RHBDD1: variants seen among roughly 807,000 people sequenced by gnomAD.
The protein encoded by RHBDD1 is rhomboid-related protein 4.
Under a neutral mutation model 36.3 loss-of-function variants are expected in RHBDD1, and 38 were observed. The observed-to-expected ratio is 1.05, with a 90% CI of 0.81 to 1.37. RHBDD1 has a LOEUF of 1.37. Among genes scored for constraint, RHBDD1 ranks in the 40% most tolerant of loss-of-function variants. The pLI is 0.00. For synonymous variants in RHBDD1, 151 were observed against 136.5 expected (o/e 1.11, Z -0.74); for missense variants, 393 against 377.6 (o/e 1.04, Z -0.34).
intron 8 of RHBDD1, among the ~76,000 whole-genome samples, chr2:226,959,853 C>A (rs1034405727): frequency 1.3e-5 from 2 of 151,956 alleles, no homozygotes; most frequent in Admixed American, 6.6e-5. Context: ...TATGGAGTCT[C>A]GCTGTGTTGC....
intron 8 of RHBDD1, among the ~76,000 whole-genome samples, chr2:226,961,986 G>A (rs1346810538): frequency 6.6e-6 from 1 of 152,038 alleles, no homozygotes; most frequent in Non-Finnish European, 1.5e-5. Context: ...TAATGCCTCC[G>A]GTGTCTTTCC....
the RHBDD1 span, among the ~76,000 whole-genome samples, chr2:226,828,671 G>A: frequency 6.6e-6 from 1 of 152,026 alleles, no homozygotes; most frequent in African/African-American, 2.4e-5. Context: ...ATGATGCTGA[G>A]AATATTTTCA....
intron 6 of RHBDD1, 149 bp downstream of exon 6, chr2:226,907,030 A>G (rs752931342): frequency 1.0e-5 from 8 of 794,952 alleles, no homozygotes; most frequent in African/African-American, 8.5e-5. Context: ...AGGTAAAACA[A>G]CCAGTGCAGT....
intron 5 of RHBDD1, among the ~76,000 whole-genome samples, chr2:226,895,362 C>T (rs900355305): frequency 6.6e-6 from 1 of 152,080 alleles, no homozygotes; most frequent in Non-Finnish European, 1.5e-5. Flanking sequence ...AGCTGTGCTC[C>T]TGACCACTTT....
chr2:226,861,222 G>A (rs1251367409), intron 3 of RHBDD1, among the ~76,000 whole-genome samples: 1 of 152,188 alleles, frequency 6.6e-6, no homozygotes, highest in Non-Finnish European at 1.5e-5. Context: ...CATTAAAGTG[G>A]AAGCCCTTGA....
Position 226,950,792 on chromosome 2 carries a change from TGTTCAGG to T in RHBDD1, c.856+36442_856+36448del, listed in dbSNP as rs537260377. Reference sequence around the variant, plus strand: ...CATATGTCATCCTTTGAGAGATGTCTGTTCAGGTCCTTTGTCCATTTTAAAAATTGGG... The same window carrying T: ...CATATGTCATCCTTTGAGAGATGTCTTCCTTTGTCCATTTTAAAAATTGGG... On this transcript the variant is annotated intron_variant, in intron 8 of 8. Transcript: ENST00000392062. Among the ~76,000 whole-genome samples, 96 of 152,352 alleles carry T rather than the reference TGTTCAGG, an allele frequency of 6.3e-4. 3 individuals are homozygous for T. The Middle Eastern group carries it at 0.024, about 38-fold the overall frequency.
At chr2:226,911,994 A>G (rs1358229322) in intron 7 of RHBDD1, among the ~76,000 whole-genome samples, 3 of 152,102 alleles carry the variant, frequency 2.0e-5, no homozygotes, top group Non-Finnish European at 2.9e-5. Flanking sequence ...TTTTACTTTC[A>G]AGGACGTTCA....
chr2:226,875,023 G>A (rs992410574), intron 5 of RHBDD1, among the ~76,000 whole-genome samples: 8 of 152,100 alleles, frequency 5.3e-5, no homozygotes, highest in African/African-American at 1.9e-4. Context: ...CTTTGTCTTT[G>A]CTTCTGTAGT....
intron 8 of RHBDD1, among the ~76,000 whole-genome samples, chr2:226,924,443 T>C (rs1353481686): frequency 6.6e-6 from 1 of 152,122 alleles, no homozygotes. Flanking sequence ...TGGGAAATAG[T>C]CTCTTCCAGA....
intron 8 of RHBDD1, among the ~76,000 whole-genome samples, chr2:226,944,135 T>A (rs1285553306): frequency 6.6e-6 from 1 of 152,204 alleles, no homozygotes; most frequent in African/African-American, 2.4e-5. Context: ...AGATTCAATC[T>A]AAACCAAGGA....
chr2:226,905,833 G>A (rs1026902164), intron 5 of RHBDD1, among the ~76,000 whole-genome samples: 2 of 152,124 alleles, frequency 1.3e-5, no homozygotes, highest in African/African-American at 4.8e-5. Context: ...CATTACAAAC[G>A]GGAAGTGGGA....
At chr2:226,943,543 T>C (rs571188590) in intron 8 of RHBDD1, among the ~76,000 whole-genome samples, 1 of 152,244 alleles carries the variant, frequency 6.6e-6, no homozygotes, top group South Asian at 2.1e-4. Context: ...CCATGGACAT[T>C]ACAGGAGATA....
intron 8 of RHBDD1, chr2:226,988,705 A>G: frequency 1.0e-6 from 1 of 959,116 alleles, no homozygotes; most frequent in Non-Finnish European, 1.2e-6. Context: ...CATTTTACAG[A>G]CCTCATATAC....
chr2:226,872,359 G>A (rs760113167), intron 5 of RHBDD1, among the ~76,000 whole-genome samples: 3 of 152,008 alleles, frequency 2.0e-5, no homozygotes, highest in Non-Finnish European at 2.9e-5. Flanking sequence ...TATTTTCCCC[G>A]ACAGGTTTTG....
chr2:226,989,197 A>T (rs1222258910), intron 8 of RHBDD1, among the ~76,000 whole-genome samples: 1 of 152,240 alleles, frequency 6.6e-6, no homozygotes, highest in Non-Finnish European at 1.5e-5. Context: ...TAAAATAGAC[A>T]AAGAAATTCT....
intron 8 of RHBDD1, among the ~76,000 whole-genome samples, chr2:226,937,947 G>A (rs1454487626): frequency 2.6e-5 from 4 of 152,072 alleles, no homozygotes; most frequent in African/African-American, 9.7e-5. Context: ...TATTCCTATG[G>A]GTGTATACCC....
chr2:226,836,626 C>T (rs1337184782), intron 1 of RHBDD1, among the ~76,000 whole-genome samples: 1 of 152,160 alleles, frequency 6.6e-6, no homozygotes, highest in Non-Finnish European at 1.5e-5. Context: ...CGGATCACAG[C>T]CTTATTTGTT....
chr2:226,910,268 A>T (rs1338781608), intron 7 of RHBDD1, among the ~76,000 whole-genome samples: 1 of 152,230 alleles, frequency 6.6e-6, no homozygotes, highest in Non-Finnish European at 1.5e-5. Flanking sequence ...CCAGAGAATT[A>T]AGGGCAAAAA....
At chr2:226,816,375 C>CAAAAAAAAAAAAAAAAA in the RHBDD1 span, among the ~76,000 whole-genome samples, 3 of 64,940 alleles carry the variant, frequency 4.6e-5, no homozygotes, top group South Asian at 5.9e-4. Flanking sequence ...GGAATGGTGG[C>CAAAAAAAAAAAAAAAAA]AAAAAAAAAA....
Sources: allele counts gnomAD v4.1 joint callset (sites outside exome capture counted in the v4.1 genomes callset), GRCh38; gene constraint gnomAD v4.1.1; transcripts MANE v1.5; gene names NCBI Gene and HGNC (gene_info 2026-07-23, HGNC 2026-07-21).